GRIA3: variants seen among roughly 807,000 people sequenced by gnomAD.
GRIA3 encodes the protein glutamate ionotropic receptor AMPA type subunit 3, also known as glutamate receptor 3.
Under a neutral mutation model 63.0 loss-of-function variants are expected in GRIA3, and 3 were observed. The observed-to-expected ratio is 0.05, with a 90% CI of 0.02 to 0.12. The LOEUF (loss-of-function observed/expected upper bound fraction) is 0.12. Ranked by LOEUF, GRIA3 falls within the 10% of genes least tolerant of loss-of-function variation. The pLI is 1.00. For synonymous variants in GRIA3, 274 were observed against 257.9 expected, an observed-to-expected ratio of 1.06 and a Z score of -0.60; for missense variants, 347 against 700.9, an observed-to-expected ratio of 0.50 and a Z score of 5.70.
intron 4 of GRIA3, among the ~76,000 whole-genome samples, chrX:123,353,244 C>A (rs1271901557): frequency 8.9e-6 from 1 of 111,845 alleles, no homozygotes; most frequent in Non-Finnish European, 1.9e-5. Flanking sequence ...GACTTTATAG[C>A]AATTACTAGC....
chrX:123,203,703 C>T (rs1243802161), intron 2 of GRIA3, among the ~76,000 whole-genome samples: 1 of 111,908 alleles, frequency 8.9e-6, no homozygotes, highest in Non-Finnish European at 1.9e-5. Context: ...AGAGGTAGAA[C>T]TGGTTAGATA....
intron 2 of GRIA3, among the ~76,000 whole-genome samples, chrX:123,223,036 C>T (rs967529972): frequency 8.9e-6 from 1 of 112,526 alleles, no homozygotes; most frequent in Non-Finnish European, 1.9e-5. Flanking sequence ...CCTGGCACCA[C>T]GATGTGTCCC....
chrX:123,424,566 G>A (rs776094278), intron 11 of GRIA3, among the ~76,000 whole-genome samples: 3 of 111,541 alleles, frequency 2.7e-5, no homozygotes, highest in Non-Finnish European at 5.7e-5. Flanking sequence ...AGGTATGCAG[G>A]TACTGTTATA....
chrX:123,449,146 A>G (rs1447949211), intron 12 of GRIA3, among the ~76,000 whole-genome samples: 1 of 112,213 alleles, frequency 8.9e-6, no homozygotes, highest in East Asian at 2.8e-4. Flanking sequence ...TGGGACAGAC[A>G]GGCCCCTTCC....
chrX:123,403,308 T>G (rs1311680954), intron 8 of GRIA3, 104 bp from the exon 9 acceptor site: 15 of 654,103 alleles, frequency 2.3e-5, no homozygotes, highest in Non-Finnish European at 2.8e-5. Context: ...ATGTCAATCC[T>G]TATAGAGCTC....
chrX:123,447,834 G>A (rs747984501), intron 12 of GRIA3, among the ~76,000 whole-genome samples: 1 of 112,003 alleles, frequency 8.9e-6, no homozygotes, highest in East Asian at 2.8e-4. Context: ...CAAATTTACT[G>A]TTGTTTTAAT....
chrX:123,280,382 C>T (rs1372423513), intron 3 of GRIA3, among the ~76,000 whole-genome samples: 1 of 112,180 alleles, frequency 8.9e-6, no homozygotes, highest in Non-Finnish European at 1.9e-5. Flanking sequence ...TTGGGTCTGG[C>T]TATCAAACTG....
chrX:123,338,546 TTTTA>T (rs754874584), intron 4 of GRIA3, among the ~76,000 whole-genome samples: 1 of 111,852 alleles, frequency 8.9e-6, no homozygotes, highest in Non-Finnish European at 1.9e-5. Context: ...TCAAACTATA[TTTTA>T]TTTATTTATT....
intron 13 of GRIA3, among the ~76,000 whole-genome samples, chrX:123,473,263 G>A (rs1282234508): frequency 1.5e-4 from 17 of 112,510 alleles, no homozygotes; most frequent in Non-Finnish European, 5.6e-5. Context: ...GTGTACTCAA[G>A]GGCATATTCT....
At chrX:123,346,546 G>T (rs2045051002) in intron 4 of GRIA3, among the ~76,000 whole-genome samples, 1 of 112,362 alleles carries the variant, frequency 8.9e-6, no homozygotes, top group African/African-American at 3.2e-5. Context: ...TTCTGTTTAA[G>T]TTACCTGTTT....
At chrX:123,400,667 T>A (rs1329195721) in intron 7 of GRIA3, among the ~76,000 whole-genome samples, 2 of 112,143 alleles carry the variant, frequency 1.8e-5, no homozygotes, top group African/African-American at 6.5e-5. Context: ...AGGGGCCTGT[T>A]TTAATGAATA....
chrX:123,464,582 T>C (rs2045824918), intron 12 of GRIA3, among the ~76,000 whole-genome samples: 1 of 111,351 alleles, frequency 9.0e-6, no homozygotes, highest in Admixed American at 9.5e-5. Flanking sequence ...AACCAATTAG[T>C]GGGGCCATGA....
chrX:123,255,684 C>T (rs1344001351), intron 3 of GRIA3, among the ~76,000 whole-genome samples: 1 of 107,830 alleles, frequency 9.3e-6, no homozygotes. Flanking sequence ...TGCATCTTTT[C>T]TCTAATCATC....
chrX:123,250,109 C>T (rs761651242), intron 2 of GRIA3, among the ~76,000 whole-genome samples: 15 of 110,908 alleles, frequency 1.4e-4, no homozygotes, highest in South Asian at 7.7e-4. Context: ...ACAAATTTCA[C>T]GATAGTAGTT....
chrX:123,207,868 T>A (rs1252150766), intron 2 of GRIA3, among the ~76,000 whole-genome samples: 1 of 111,243 alleles, frequency 9.0e-6, no homozygotes, highest in Non-Finnish European at 1.9e-5. Flanking sequence ...AAGCCCACAT[T>A]TGAACCAGCC....
Position 123,260,422 on chromosome X carries a change from C to CAGAAAGAAAGAAAGAAAGAA in GRIA3, c.508+6883_508+6884insAAGAAAGAAAGAAAGAAAGA, listed in dbSNP as rs764729147. 1.0e-3 allele frequency among the ~76,000 whole-genome samples: 6 copies of CAGAAAGAAAGAAAGAAAGAA among 5,804 alleles called. 1 individual carries two copies. The highest frequency in any genetic ancestry group is 2.0e-3 in the Admixed American group (1 of 501). The allele number at this position is 5,804 out of a possible 115,157, so 5.0% of individuals were successfully genotyped here. A position where few individuals can be genotyped will look rare whatever the true frequency, so the allele number is the denominator to read the frequency against. ...AAAGAAAGACAGACAGACAGACAGA[C>CAGAAAGAAAGAAAGAAAGAA]AGACAGAAAGAAAGAAAGAAAGAAA... On this transcript the variant is annotated intron_variant, in intron 3 of 15. Coordinates refer to ENST00000620443, the MANE Select transcript of GRIA3 (RefSeq NM_007325.5).
At chrX:123,402,126 C>A (rs2053166093) in intron 7 of GRIA3, among the ~76,000 whole-genome samples, 3 of 110,808 alleles carry the variant, frequency 2.7e-5, no homozygotes, top group African/African-American at 9.9e-5. Context: ...CTCCATACTC[C>A]TGACCCCTTA....
intron 2 of GRIA3, among the ~76,000 whole-genome samples, chrX:123,186,611 G>A (rs1333912374): frequency 9.0e-6 from 1 of 111,630 alleles, no homozygotes; most frequent in Non-Finnish European, 1.9e-5. Context: ...GAACTCATAA[G>A]ACTACAAACT....
intron 3 of GRIA3, among the ~76,000 whole-genome samples, chrX:123,312,703 G>A (rs190872514): frequency 8.9e-6 from 1 of 112,447 alleles, no homozygotes; most frequent in Non-Finnish European, 1.9e-5. Context: ...GGAAGTCACA[G>A]ATGTGTTGTA....
Sources: gnomAD v4.1 joint callset for allele counts (sites outside exome capture counted in the v4.1 genomes callset) on GRCh38, gnomAD v4.1.1 for gene constraint, MANE v1.5 for transcripts, NCBI Gene and HGNC (gene_info 2026-07-23, HGNC 2026-07-21) for gene names.